PVT1: variants seen among roughly 807,000 people sequenced by gnomAD.
PVT1 encodes CXCR4/PVT1 fusion.
At chr8:127,840,148 G>A (rs1057247400) in intron 2 of PVT1, among the ~76,000 whole-genome samples, 5 of 152,206 alleles carry the variant, frequency 3.3e-5, no homozygotes, top group Admixed American at 2.0e-4. Flanking sequence ...ACTACACAGG[G>A]CCTTTGGCTT....
Position 127,991,517 on chromosome 8 carries a change from C to G in PVT1, n.912+2226C>G, listed in dbSNP as rs1295776620. On this transcript the variant is annotated intron_variant and non_coding_transcript_variant, in intron 4 of 10. Transcript: ENST00000651587. ...AGGTGTAGCAGCCTTTCCAGCTGAT[C>G]CCCATGCCCTGCTGCACCTGGAGGG... Among the ~76,000 whole-genome samples, 4 of 152,238 alleles carry G rather than the reference C, an allele frequency of 2.6e-5. No individual in the cohort carries two copies. In the East Asian group the frequency reaches 7.7e-4, roughly 29 times the overall value.
chr8:128,096,244 C>T (rs924350028), intron 5 of PVT1, among the ~76,000 whole-genome samples: 42 of 152,184 alleles, frequency 2.8e-4, no homozygotes, highest in Middle Eastern at 3.2e-3. Flanking sequence ...TAGCTTTATT[C>T]AAACTCAGTT....
intron 2 of PVT1, among the ~76,000 whole-genome samples, chr8:127,829,574 T>G (rs922068962): frequency 6.6e-6 from 1 of 152,202 alleles, no homozygotes; most frequent in African/African-American, 2.4e-5. Context: ...CAGCCCAATG[T>G]AAAGAAAGCG....
At chr8:128,024,979 G>A (rs759184446) in intron 4 of PVT1, among the ~76,000 whole-genome samples, 3 of 152,238 alleles carry the variant, frequency 2.0e-5, no homozygotes, top group African/African-American at 2.4e-5. Flanking sequence ...GATTACAGGC[G>A]TGAGCCACTG....
At chr8:127,973,161 G>A (rs1274550042) in intron 3 of PVT1, among the ~76,000 whole-genome samples, 1 of 152,164 alleles carries the variant, frequency 6.6e-6, no homozygotes, top group Non-Finnish European at 1.5e-5. Flanking sequence ...CTCCCAAAGT[G>A]CCAGGATTAC....
intron 3 of PVT1, among the ~76,000 whole-genome samples, chr8:127,984,849 CTTTCT>C (rs1816928506): frequency 1.0e-4 from 2 of 20,058 alleles, no homozygotes; most frequent in Non-Finnish European, 2.4e-4. Context: ...TTCTTTCTTT[CTTTCT>C]TTCTTTCTTT....
chr8:127,905,263 A>G (rs1261531719), intron 3 of PVT1, among the ~76,000 whole-genome samples: 1 of 151,620 alleles, frequency 6.6e-6, no homozygotes, highest in Non-Finnish European at 1.5e-5. Context: ...TCTCCCACTC[A>G]GGAACATGGG....
chr8:127,853,527 T>C (rs1586407538), intron 2 of PVT1, among the ~76,000 whole-genome samples: 1 of 152,190 alleles, frequency 6.6e-6, no homozygotes, highest in East Asian at 1.9e-4. Flanking sequence ...GAGCCTGTAA[T>C]CCCAGCACTT....
intron 2 of PVT1, among the ~76,000 whole-genome samples, chr8:127,798,258 C>T (rs1006785283): frequency 5.6e-4 from 85 of 151,188 alleles, no homozygotes; most frequent in African/African-American, 2.0e-3. Context: ...GAGCCGAGAT[C>T]GCACCATTGT....
chr8:127,888,672 A>ATG (rs887315276), intron 2 of PVT1, among the ~76,000 whole-genome samples: 29 of 152,308 alleles, frequency 1.9e-4, no homozygotes, highest in African/African-American at 6.5e-4. Flanking sequence ...AGAGTCAGAG[A>ATG]TGCCTTGGTG....
At chr8:127,872,454 G>A (rs958847164) in intron 2 of PVT1, among the ~76,000 whole-genome samples, 1 of 152,058 alleles carries the variant, frequency 6.6e-6, no homozygotes, top group Non-Finnish European at 1.5e-5. Flanking sequence ...TGGATTGTTC[G>A]TAACACAAAG....
At chr8:128,100,137 C>CCCTTCCTTCCTT (rs796473962) in intron 6 of PVT1, among the ~76,000 whole-genome samples, 1 of 144,688 alleles carries the variant, frequency 6.9e-6, no homozygotes. Flanking sequence ...ATCCCTCCCT[C>CCCTTCCTTCCTT]CCTTCCTTCC....
chr8:127,977,595 C>T (rs1816835678), intron 3 of PVT1, among the ~76,000 whole-genome samples: 1 of 152,004 alleles, frequency 6.6e-6, no homozygotes, highest in South Asian at 2.1e-4. Context: ...GTTAGCCTGG[C>T]ATGGTGGCAC....
intron 3 of PVT1, chr8:127,939,649 T>C (rs1236597900): frequency 6.6e-6 from 1 of 152,248 alleles, no homozygotes; most frequent in Non-Finnish European, 1.5e-5. Flanking sequence ...GTTCCCCTTT[T>C]ACTGCCAGGA....
At chr8:127,902,598 T>A (rs920557392) in intron 3 of PVT1, among the ~76,000 whole-genome samples, 4 of 152,058 alleles carry the variant, frequency 2.6e-5, no homozygotes, top group African/African-American at 9.7e-5. Flanking sequence ...TCCTCCCCTT[T>A]CTAGTAGCCC....
At chr8:127,965,810 C>G (rs1330166097) in intron 3 of PVT1, among the ~76,000 whole-genome samples, 2 of 152,174 alleles carry the variant, frequency 1.3e-5, no homozygotes, top group African/African-American at 2.4e-5. Flanking sequence ...GCAGGCTGTT[C>G]AGAGTCCGCC....
chr8:127,820,710 T>C (rs1453658996), intron 2 of PVT1, among the ~76,000 whole-genome samples: 1 of 151,980 alleles, frequency 6.6e-6, no homozygotes, highest in East Asian at 1.9e-4. Context: ...TTGTTTTTTT[T>C]TTTTCTTTTG....
At chr8:128,093,617 T>A (rs1020530828) in intron 5 of PVT1, among the ~76,000 whole-genome samples, 1 of 152,022 alleles carries the variant, frequency 6.6e-6, no homozygotes, top group Non-Finnish European at 1.5e-5. Context: ...GGCACGACTA[T>A]CACCTCCCTC....
intron 3 of PVT1, among the ~76,000 whole-genome samples, chr8:127,967,310 C>G (rs1816714013): frequency 6.6e-6 from 1 of 151,432 alleles, no homozygotes; most frequent in Non-Finnish European, 1.5e-5. Context: ...AGGTTAACTT[C>G]TGGGGGGCTT....
Sources: gnomAD v4.1 joint callset for allele counts (sites outside exome capture counted in the v4.1 genomes callset) on GRCh38, gnomAD v4.1.1 for gene constraint, MANE v1.5 for transcripts, NCBI Gene and HGNC (gene_info 2026-07-23, HGNC 2026-07-21) for gene names.